The following AP3S1 variants were observed in gnomAD, a reference collection of about 807,000 sequenced individuals.
AP3S1 encodes AP-3 complex subunit sigma-1.
In AP3S1, 12 loss-of-function variants were observed where a neutral mutation model predicts 21.3. The ratio of observed to expected loss-of-function variants is 0.56; its 90% confidence interval spans 0.36 to 0.91. AP3S1 has a LOEUF of 0.91. AP3S1 is among the 40% of genes least tolerant of loss of function. The pLI is 0.01. For synonymous variants in AP3S1, 48 were observed against 78.4 expected, an observed-to-expected ratio of 0.61 and a Z score of 2.05; for missense variants, 116 against 225.0, an observed-to-expected ratio of 0.52 and a Z score of 3.10.
Position 115,863,170 on chromosome 5 carries a change from C to T in AP3S1, c.70-3500C>T, listed in dbSNP as rs369456257. Among the ~76,000 whole-genome samples, 13 of 152,012 alleles carry T rather than the reference C, an allele frequency of 8.6e-5. No individual in the cohort carries two copies. In the South Asian group the frequency reaches 1.0e-3, roughly 12 times the overall value. ...ATCCTAGCACTTTGGGAGACCGAGG[C>T]GGGTGGATCACCTCGGTCGAGTTCA... On this transcript the variant is annotated intron_variant, in intron 1 of 5. Transcript: ENST00000316788.
intron 3 of AP3S1, among the ~76,000 whole-genome samples, chr5:115,883,269 G>A (rs1014940736): frequency 1.3e-5 from 2 of 152,200 alleles, no homozygotes; most frequent in African/African-American, 2.4e-5. Flanking sequence ...AACTCCTGCA[G>A]CTAGGTTGGT....
chr5:115,850,158 C>T (rs1305253155), intron 1 of AP3S1, among the ~76,000 whole-genome samples: 1 of 152,180 alleles, frequency 6.6e-6, no homozygotes, highest in African/African-American at 2.4e-5. Flanking sequence ...ACAAGAATCA[C>T]TTGCTGTCAG....
intron 3 of AP3S1, among the ~76,000 whole-genome samples, chr5:115,886,419 T>C (rs1749787139): frequency 6.6e-6 from 1 of 152,056 alleles, no homozygotes; most frequent in Admixed American, 6.5e-5. Context: ...CTTAGTCTAC[T>C]CAATGTGAAG....
At position 115,867,316 on chromosome 5, in the gene AP3S1, C is replaced by G. The variant is rs530280450; in HGVS notation, c.161+555C>G. 7.9e-5 allele frequency among the ~76,000 whole-genome samples: 12 copies of G among 152,158 alleles called. No homozygotes were observed. In the South Asian group the frequency reaches 2.5e-3, roughly 32 times the overall value. Reference sequence around the variant, plus strand: ...ATGTTCATAAAAATTAGATTACATTCTTTATTTTACTGTTACAAGACTGAA... The same window carrying G: ...ATGTTCATAAAAATTAGATTACATTGTTTATTTTACTGTTACAAGACTGAA... On this transcript the variant is annotated intron_variant, in intron 2 of 5. Transcript: ENST00000316788.
intron 4 of AP3S1, among the ~76,000 whole-genome samples, chr5:115,901,412 T>A (rs977547228): frequency 2.0e-5 from 3 of 148,750 alleles, no homozygotes; most frequent in Admixed American, 1.3e-4. Context: ...TTTTTTTTTT[T>A]TAAGTTACGG....
At chr5:115,906,047 G>C (rs1364980614) in intron 5 of AP3S1, among the ~76,000 whole-genome samples, 1 of 152,116 alleles carries the variant, frequency 6.6e-6, no homozygotes, top group Non-Finnish European at 1.5e-5. Flanking sequence ...AATCCTAGTT[G>C]CTCTGGAGCC....
intron 1 of AP3S1, among the ~76,000 whole-genome samples, chr5:115,863,849 G>A (rs557055060): frequency 6.6e-6 from 1 of 152,174 alleles, no homozygotes; most frequent in African/African-American, 2.4e-5. Context: ...ATAGAAAGAG[G>A]TTTGAGTTTA....
chr5:115,854,976 A>G (rs1219741663), intron 1 of AP3S1, among the ~76,000 whole-genome samples: 1 of 151,744 alleles, frequency 6.6e-6, no homozygotes, highest in African/African-American at 2.4e-5. Context: ...TATTTTCTAT[A>G]TATGTATGCT....
chr5:115,860,156 C>T (rs1462309144), intron 1 of AP3S1, among the ~76,000 whole-genome samples: 1 of 152,202 alleles, frequency 6.6e-6, no homozygotes, highest in African/African-American at 2.4e-5. Flanking sequence ...TGTTCATAGC[C>T]AGCGGCATAG....
At chr5:115,908,966 C>T (rs1474642041) in intron 5 of AP3S1, 2 of 983,564 alleles carry the variant, frequency 2.0e-6, no homozygotes, top group Non-Finnish European at 2.4e-6. Context: ...GGTGTTCTTT[C>T]ACTTTGCTGT....
At chr5:115,877,099 A>G (rs1253480416) in intron 3 of AP3S1, among the ~76,000 whole-genome samples, 1 of 152,164 alleles carries the variant, frequency 6.6e-6, no homozygotes, top group Non-Finnish European at 1.5e-5. Flanking sequence ...ATTAATATTT[A>G]TGGTGTTTAC....
At chr5:115,872,291 A>T (rs1409097774) in intron 3 of AP3S1, among the ~76,000 whole-genome samples, 1 of 152,156 alleles carries the variant, frequency 6.6e-6, no homozygotes, top group African/African-American at 2.4e-5. Flanking sequence ...CAAAAAAAAT[A>T]GAAATAAAAA....
At chr5:115,844,091 G>GT (rs367568532) in intron 1 of AP3S1, among the ~76,000 whole-genome samples, 3 of 152,102 alleles carry the variant, frequency 2.0e-5, no homozygotes, top group African/African-American at 4.8e-5. Flanking sequence ...TTTGCCGAGT[G>GT]TTTTTTTGTC....
intron 1 of AP3S1, chr5:115,842,511 GGGAGGAGGAAGA>G (rs1761682241): frequency 6.2e-6 from 1 of 162,506 alleles, no homozygotes; most frequent in African/African-American, 2.6e-5. Context: ...CAGTTAGCCC[GGGAGGAGGAAGA>G]CGGCGTGGAA....
At chr5:115,908,490 AC>A (rs1037769743) in intron 5 of AP3S1, among the ~76,000 whole-genome samples, 1 of 152,162 alleles carries the variant, frequency 6.6e-6, no homozygotes, top group African/African-American at 2.4e-5. Context: ...TTGTACTTCT[AC>A]AAAATTATGG....
At chr5:115,861,187 A>C (rs1476060415) in intron 1 of AP3S1, among the ~76,000 whole-genome samples, 1 of 152,234 alleles carries the variant, frequency 6.6e-6, no homozygotes, top group Non-Finnish European at 1.5e-5. Flanking sequence ...GAAAGACTTC[A>C]TAGAAGTCAT....
At chr5:115,867,768 TC>T (rs1747823194) in intron 2 of AP3S1, among the ~76,000 whole-genome samples, 1 of 152,166 alleles carries the variant, frequency 6.6e-6, no homozygotes, top group African/African-American at 2.4e-5. Context: ...TACTATCACT[TC>T]CTCTCATCCT....
intron 4 of AP3S1, among the ~76,000 whole-genome samples, chr5:115,900,164 A>G (rs1751087352): frequency 6.6e-6 from 1 of 152,206 alleles, no homozygotes; most frequent in Non-Finnish European, 1.5e-5. Flanking sequence ...TAAAAGGCAC[A>G]GTTTATATAG....
intron 5 of AP3S1, among the ~76,000 whole-genome samples, chr5:115,910,417 T>C (rs952599219): frequency 1.3e-5 from 2 of 152,120 alleles, no homozygotes; most frequent in African/African-American, 4.8e-5. Flanking sequence ...ACTGTACTGC[T>C]AACAAGTCAG....
Sources: allele counts gnomAD v4.1 joint callset (sites outside exome capture counted in the v4.1 genomes callset), GRCh38; gene constraint gnomAD v4.1.1; transcripts MANE v1.5; gene names NCBI Gene and HGNC (gene_info 2026-07-23, HGNC 2026-07-21).